SHISA9: variants seen among roughly 807,000 people sequenced by gnomAD.
SHISA9 encodes shisa family member 9, also known as protein shisa-9.
SHISA9 carries 13 observed loss-of-function variants against 38.0 expected under a neutral mutation model. The observed-to-expected ratio is 0.34, with a 90% CI of 0.22 to 0.54. SHISA9 has a LOEUF of 0.54. Among genes scored for constraint, SHISA9 ranks in the 20% least tolerant of loss-of-function variants. The probability of loss-of-function intolerance (pLI) is 0.91; values close to 1 mark genes in which losing one functional copy is unlikely to be tolerated. For synonymous variants in SHISA9, 275 were observed against 242.0 expected, an observed-to-expected ratio of 1.14 and a Z score of -1.27; for missense variants, 538 against 575.8, an observed-to-expected ratio of 0.93 and a Z score of 0.67.
At chr16:13,007,429 C>A (rs1458128484) in intron 2 of SHISA9, among the ~76,000 whole-genome samples, 2 of 152,162 alleles carry the variant, frequency 1.3e-5, no homozygotes, top group Non-Finnish European at 2.9e-5. Context: ...ACCCTCTTTG[C>A]ACAAGTGTTC....
intron 2 of SHISA9, among the ~76,000 whole-genome samples, chr16:13,017,273 G>A (rs1290551670): frequency 6.6e-6 from 1 of 152,268 alleles, no homozygotes; most frequent in East Asian, 1.9e-4. Context: ...GCCCGCCTTG[G>A]CCTCCCAAAG....
At position 12,902,305 on chromosome 16, in the gene SHISA9, A is replaced by G; in HGVS notation, c.241A>G (p.Met81Val). The G allele has an allele frequency of 1.3e-6, 2 of 1,550,664 alleles. No individual in the cohort carries two copies. Among genetic ancestry groups the G allele is most frequent in the Non-Finnish European group, 1.7e-6 (2 of 1,146,946 alleles). Residue 81 changes from methionine to valine, a missense_variant, in exon 1 of 5, where the codon ATG (methionine) becomes GTG (valine). This residue lies in a region of SHISA9 where 17 missense variants were observed against 57.2 expected (regional missense o/e 0.30). Coordinates refer to ENST00000558583, the MANE Select transcript of SHISA9 (RefSeq NM_001145204.3). ...PDFCRGYFDV[M>V]GQWDPPFNCS... ...CTTCTGCCGGGGCTACTTCGATGTCATGGGCCAGTGGGACCCGCCGTTCAA... is the reference window on the plus strand; with the variant it reads ...CTTCTGCCGGGGCTACTTCGATGTCGTGGGCCAGTGGGACCCGCCGTTCAA...
chr16:13,271,778 G>A, the SHISA9 span, among the ~76,000 whole-genome samples: 1 of 151,556 alleles, frequency 6.6e-6, no homozygotes, highest in Non-Finnish European at 1.5e-5. Flanking sequence ...TATGGGGGGG[G>A]TGTGTGTGTG....
intron 2 of SHISA9, among the ~76,000 whole-genome samples, chr16:12,974,665 G>C (rs1336648441): frequency 6.6e-6 from 1 of 151,616 alleles, no homozygotes; most frequent in Non-Finnish European, 1.5e-5. Context: ...TTTATTATTA[G>C]TAGAGCGGGG....
chr16:13,106,271 G>A (rs2073924375), intron 2 of SHISA9, among the ~76,000 whole-genome samples: 1 of 152,128 alleles, frequency 6.6e-6, no homozygotes. Flanking sequence ...TGCAAAGATT[G>A]TATACTTTTC....
chr16:12,986,546 G>C (rs1258636737), intron 2 of SHISA9, among the ~76,000 whole-genome samples: 1 of 152,176 alleles, frequency 6.6e-6, no homozygotes, highest in Non-Finnish European at 1.5e-5. Flanking sequence ...GGTGTGGTGA[G>C]ATCATGAGCT....
At chr16:12,932,573 C>T in intron 2 of SHISA9, among the ~76,000 whole-genome samples, 1 of 152,146 alleles carries the variant, frequency 6.6e-6, no homozygotes. Flanking sequence ...GAACTCCTGA[C>T]CTCAGGTGAT....
chr16:13,135,600 C>T (rs2050341797), intron 2 of SHISA9, among the ~76,000 whole-genome samples: 1 of 152,242 alleles, frequency 6.6e-6, no homozygotes, highest in African/African-American at 2.4e-5. Context: ...CTTGTTGCCT[C>T]AGCCTTCCTG....
At chr16:13,513,801 A>G in the SHISA9 span, among the ~76,000 whole-genome samples, 4 of 152,158 alleles carry the variant, frequency 2.6e-5, no homozygotes, top group Admixed American at 1.3e-4. Flanking sequence ...ACACATGGAC[A>G]CAGGGAGGAG....
At chr16:13,293,595 A>T in the SHISA9 span, among the ~76,000 whole-genome samples, 1 of 152,208 alleles carries the variant, frequency 6.6e-6, no homozygotes, top group South Asian at 2.1e-4. Flanking sequence ...TCCTGACACA[A>T]AACAAGCACC....
chr16:13,539,361 AG>A, the SHISA9 span, among the ~76,000 whole-genome samples: 1 of 80,946 alleles, frequency 1.2e-5, no homozygotes, highest in African/African-American at 4.1e-5. Context: ...ATATATATAA[AG>A]ACAGGATCTC....
chr16:13,046,062 A>G (rs1054387016), intron 2 of SHISA9, among the ~76,000 whole-genome samples: 4 of 152,238 alleles, frequency 2.6e-5, no homozygotes, highest in African/African-American at 9.6e-5. Flanking sequence ...TTAATCAGGC[A>G]TCACTGAGGG....
chr16:13,106,162 G>A (rs2073923592), intron 2 of SHISA9, among the ~76,000 whole-genome samples: 2 of 152,190 alleles, frequency 1.3e-5, no homozygotes, highest in Non-Finnish European at 2.9e-5. Flanking sequence ...AATGATTCAA[G>A]AGCCTGAGTG....
chr16:13,225,144 C>T (rs895872219), intron 4 of SHISA9, among the ~76,000 whole-genome samples: 10 of 152,146 alleles, frequency 6.6e-5, no homozygotes, highest in African/African-American at 2.4e-4. Context: ...ACGTGAAGTC[C>T]AAGGCAGAGA....
chr16:13,304,652 G>A, the SHISA9 span, among the ~76,000 whole-genome samples: 2 of 152,170 alleles, frequency 1.3e-5, no homozygotes, highest in African/African-American at 4.8e-5. Flanking sequence ...GTTGTTTTGA[G>A]GTCTAAGAGT....
At chr16:13,442,519 G>C in the SHISA9 span, among the ~76,000 whole-genome samples, 1 of 152,098 alleles carries the variant, frequency 6.6e-6, no homozygotes. Context: ...TGTTGGCCAG[G>C]CTGGTCTCGA....
intron 2 of SHISA9, among the ~76,000 whole-genome samples, chr16:13,188,150 C>T (rs1029030146): frequency 6.6e-6 from 1 of 152,184 alleles, no homozygotes; most frequent in Admixed American, 6.5e-5. Context: ...AAAACACTTA[C>T]CCACTGCACA....
chr16:13,212,760 G>T (rs1220193932), intron 3 of SHISA9, among the ~76,000 whole-genome samples: 1 of 152,172 alleles, frequency 6.6e-6, no homozygotes, highest in African/African-American at 2.4e-5. Flanking sequence ...AGCATTTAAA[G>T]TCGCAGTCAG....
chr16:13,288,845 A>G, the SHISA9 span, among the ~76,000 whole-genome samples: 15 of 152,312 alleles, frequency 9.8e-5, no homozygotes, highest in Middle Eastern at 3.4e-3. Flanking sequence ...TTATAAGTCC[A>G]CAATCCTGTT....
Sources: gnomAD v4.1 joint callset for allele counts (sites outside exome capture counted in the v4.1 genomes callset) on GRCh38, gnomAD v4.1.1 for gene constraint, gnomAD v4.1.1 regional missense constraint, MANE v1.5 for transcripts, NCBI Gene and HGNC (gene_info 2026-07-23, HGNC 2026-07-21) for gene names.